The following TRAF2 variants were observed in gnomAD, a reference collection of about 807,000 sequenced individuals.
TRAF2 encodes TNF receptor-associated factor 2.
In TRAF2, 6 loss-of-function variants were observed where a neutral mutation model predicts 55.6. The observed-to-expected ratio is 0.11, with a 90% CI of 0.06 to 0.21. TRAF2 has a LOEUF of 0.21. Among genes scored for constraint, TRAF2 ranks in the 10% least tolerant of loss-of-function variants. The pLI, the probability that TRAF2 is intolerant of heterozygous loss-of-function variation, is 1.00. For synonymous variants in TRAF2, 329 were observed against 276.3 expected (o/e 1.19, Z -1.89); for missense variants, 561 against 684.5 (o/e 0.82, Z 2.01).
intron 4 of TRAF2, among the ~76,000 whole-genome samples, chr9:136,903,153 G>T (rs886169124): frequency 6.6e-6 from 1 of 152,132 alleles, no homozygotes; most frequent in Non-Finnish European, 1.5e-5. Context: ...GTTTTACCAC[G>T]TTGGCCAGGC....
chr9:136,919,992 A>G, intron 7 of TRAF2, among the ~76,000 whole-genome samples: 1 of 152,196 alleles, frequency 6.6e-6, no homozygotes, highest in South Asian at 2.1e-4. Flanking sequence ...TGCTGGAATC[A>G]CAGTTGCTAG....
At chr9:136,901,580 G>A (rs1588426939) in intron 4 of TRAF2, among the ~76,000 whole-genome samples, 1 of 152,344 alleles carries the variant, frequency 6.6e-6, no homozygotes, top group Non-Finnish European at 1.5e-5. Flanking sequence ...GGTACAGGAA[G>A]TAGAATGGAG....
intron 4 of TRAF2, among the ~76,000 whole-genome samples, chr9:136,906,165 G>A (rs1392281082): frequency 6.6e-6 from 1 of 152,134 alleles, no homozygotes; most frequent in East Asian, 1.9e-4. Flanking sequence ...GGGTGTGGTG[G>A]TGCGTGCCTG....
chr9:136,923,610 C>CA (rs55666712), intron 9 of TRAF2, among the ~76,000 whole-genome samples: 1,315 of 67,718 alleles, frequency 0.019, 48 homozygotes, highest in Middle Eastern at 0.038. Context: ...GACTCCATCT[C>CA]AAAAAAAAAA....
At position 136,899,586 on chromosome 9, in the gene TRAF2, C is replaced by T; in HGVS notation, c.189-8C>T. The T allele has an allele frequency of 3.1e-6, 5 of 1,597,506 alleles. No homozygotes were observed. Among genetic ancestry groups the T allele is most frequent in the Non-Finnish European group, 2.6e-6 (3 of 1,171,078 alleles). On this transcript the variant is annotated splice_region_variant and splice_polypyrimidine_tract_variant and intron_variant, in intron 2 of 10. Transcript: ENST00000247668. ...AGTGGGTTGTTTTTTGCCTTTTTTC[C>T]CCACTAGCTCTGGGCCTCAGAACTG...
intron 1 of TRAF2, among the ~76,000 whole-genome samples, chr9:136,897,136 G>T (rs1298262052): frequency 6.6e-6 from 1 of 151,676 alleles, no homozygotes; most frequent in Non-Finnish European, 1.5e-5. Context: ...GCTCTGTAAG[G>T]AGAGCAGAGC....
At position 136,926,280 on chromosome 9, in the gene TRAF2, T is replaced by C. The variant is rs1850530864; in HGVS notation, c.*379T>C. On this transcript the variant is annotated 3_prime_UTR_variant, in exon 11 of 11. Transcript: ENST00000247668. ...GCCCATGTAGCAGGAGCACAGTGGA[T>C]GGCCTTGTGTCCCTCGGGCATGACA... is the stretch of plus-strand genomic sequence containing the variant. The C allele has an allele frequency of 2.7e-6, 1 of 372,622 alleles. No homozygotes were observed. The highest frequency in any genetic ancestry group is 2.1e-5 in the African/African-American group (1 of 47,592). The allele number at this position is 372,622 out of a possible 1,614,324, so 23.1% of individuals were successfully genotyped here. A position where few individuals can be genotyped will look rare whatever the true frequency, so the allele number is the denominator to read the frequency against.
intron 3 of TRAF2, 93 bp downstream of exon 3, chr9:136,899,765 C>G: frequency 8.0e-7 from 1 of 1,256,820 alleles, no homozygotes; most frequent in African/African-American, 1.5e-5. Context: ...TGGCTCACAC[C>G]TGTAATCCCA....
chr9:136,910,009 C>A lies in TRAF2; in HGVS notation c.603+15C>A. 1 of 1,612,518 alleles carries A rather than the reference C, an allele frequency of 6.2e-7. No homozygotes were observed. Among genetic ancestry groups the A allele is most frequent in the Non-Finnish European group, 8.5e-7 (1 of 1,179,270 alleles). ...CCCGGGAGAAGGTGAGTGTCCTTCA[C>A]CTCCTTGGAGGACCGCAGGGCGGGG... is the stretch of plus-strand genomic sequence containing the variant. On this transcript the variant is annotated intron_variant, in intron 6 of 10. Coordinates refer to ENST00000247668, the MANE Select transcript of TRAF2 (RefSeq NM_021138.4).
chr9:136,907,978 C>T (rs1236119279), intron 4 of TRAF2, 92 bp from the exon 5 acceptor site: 1 of 1,492,734 alleles, frequency 6.7e-7, no homozygotes, highest in Admixed American at 2.0e-5. Context: ...GACACCAAGC[C>T]AGCGCTACAT....
rs551621135 is a variant in TRAF2, at chr9:136,908,273, C to G, written c.528+42C>G. On this transcript the variant is annotated intron_variant, in intron 5 of 10. Transcript: ENST00000247668. ...AGCAGCCTGTGTGGCTGCAGCCATG[C>G]GGGGCTGAGCTGGGGAGCTGCGTGC... is the stretch of plus-strand genomic sequence containing the variant. The G allele has an allele frequency of 1.1e-5, 16 of 1,511,296 alleles. No individual in the cohort carries two copies. In the Admixed American group the frequency reaches 3.3e-4, roughly 31 times the overall value. The allele number at this position is 1,511,296 out of a possible 1,614,324, so 93.6% of individuals were successfully genotyped here. A position where few individuals can be genotyped will look rare whatever the true frequency, so the allele number is the denominator to read the frequency against.
At chr9:136,900,751 C>G in intron 4 of TRAF2, 1 of 532,570 alleles carries the variant, frequency 1.9e-6, no homozygotes, top group South Asian at 1.9e-5. Context: ...TGACCTCGGG[C>G]GAGGTATTTA....
rs17250680 is a variant in TRAF2, at chr9:136,925,911, A to G, written c.*10A>G. On this transcript the variant is annotated 3_prime_UTR_variant, in exon 11 of 11. Coordinates refer to ENST00000247668, the MANE Select transcript of TRAF2 (RefSeq NM_021138.4). ...CCTGACAGGGCTCTAACTGCCCCCT[A>G]CTGGTGTCTGGGGGTTGGGGGCAGC... The G allele has an allele frequency of 0.04, 64,810 of 1,613,658 alleles. 1,463 individuals are homozygous for G. The highest frequency in any genetic ancestry group is 0.046 in the Middle Eastern group (279 of 6,062).
chr9:136,896,523 T>C (rs1001513508), intron 1 of TRAF2, among the ~76,000 whole-genome samples: 25 of 152,252 alleles, frequency 1.6e-4, no homozygotes, highest in Admixed American at 1.6e-3. Flanking sequence ...GGAAGTTCCT[T>C]GTGCTTGATA....
intron 1 of TRAF2, among the ~76,000 whole-genome samples, chr9:136,889,021 C>T (rs906448791): frequency 6.6e-5 from 10 of 152,110 alleles, no homozygotes; most frequent in Non-Finnish European, 1.2e-4. Flanking sequence ...CCCGCCACCA[C>T]GCCCAGCTAA....
At chr9:136,916,294 T>G (rs1850238860) in intron 6 of TRAF2, among the ~76,000 whole-genome samples, 1 of 152,156 alleles carries the variant, frequency 6.6e-6, no homozygotes, top group Non-Finnish European at 1.5e-5. Flanking sequence ...AGCTGGGGTC[T>G]CCACAGGTGT....
intron 7 of TRAF2, among the ~76,000 whole-genome samples, chr9:136,918,008 G>A (rs1338120210): frequency 6.6e-6 from 1 of 151,830 alleles, no homozygotes; most frequent in Non-Finnish European, 1.5e-5. Flanking sequence ...ATCTCCCCGT[G>A]CTGGCACACC....
chr9:136,894,867 C>T (rs2131282654), intron 1 of TRAF2, among the ~76,000 whole-genome samples: 1 of 152,312 alleles, frequency 6.6e-6, no homozygotes, highest in South Asian at 2.1e-4. Flanking sequence ...GTAGTCCCAG[C>T]CACTGGAGAA....
At chr9:136,892,008 G>T (rs1381809255) in intron 1 of TRAF2, among the ~76,000 whole-genome samples, 1 of 151,580 alleles carries the variant, frequency 6.6e-6, no homozygotes, top group Non-Finnish European at 1.5e-5. Flanking sequence ...ATGAGCCACC[G>T]TGCCCGGCCC....
Sources: gnomAD v4.1 joint callset for allele counts (sites outside exome capture counted in the v4.1 genomes callset) on GRCh38, gnomAD v4.1.1 for gene constraint, MANE v1.5 for transcripts, NCBI Gene and HGNC (gene_info 2026-07-23, HGNC 2026-07-21) for gene names.